CARD19: variants seen among roughly 807,000 people sequenced by gnomAD.
CARD19 encodes caspase recruitment domain family member 19.
Under a neutral mutation model 24.1 loss-of-function variants are expected in CARD19, and 25 were observed. The ratio of observed to expected loss-of-function variants is 1.04; its 90% CI spans 0.76 to 1.45. The LOEUF (loss-of-function observed/expected upper bound fraction) is 1.45. Ranked by LOEUF, CARD19 falls within the 40% of genes most tolerant of loss-of-function variation. The pLI, the probability that CARD19 is intolerant of heterozygous loss-of-function variation, is 0.00. For missense variants in CARD19, 241 were observed against 247.4 expected, an observed-to-expected ratio of 0.97 and a Z score of 0.17; for synonymous variants, 103 against 104.9, an observed-to-expected ratio of 0.98 and a Z score of 0.11.
rs368863789 is a variant in CARD19 at position 93,107,819 on chromosome 9, G to A, written c.150+3G>A. 1.2e-6 allele frequency: 2 copies of A among 1,614,072 alleles called. No individual in the cohort carries two copies. The highest frequency in any genetic ancestry group is 1.3e-5 in the African/African-American group (1 of 74,942). On this transcript the variant is annotated splice_donor_region_variant and intron_variant, in intron 2 of 5. Transcript: ENST00000375464. ...TTACCAACAAGGAGGCGGAAAAGGT[G>A]CTGAGGAGGTGAGGGGGGTACCCGA...
intron 1 of CARD19, 102 bp from the exon 2 acceptor site, chr9:93,107,572 A>G: frequency 1.4e-6 from 2 of 1,404,914 alleles, no homozygotes; most frequent in Non-Finnish European, 2.0e-6. Flanking sequence ...GTGGGAACCC[A>G]CCTTGGGGGT....
chr9:93,100,061 G>A (rs144748244), intron 1 of CARD19, among the ~76,000 whole-genome samples: 54 of 152,340 alleles, frequency 3.5e-4, no homozygotes, highest in Non-Finnish European at 5.0e-4. Flanking sequence ...CCCCAGCCCC[G>A]CACAGGGCGA....
intron 3 of CARD19, chr9:93,111,552 G>A (rs1827485692): frequency 1.6e-6 from 2 of 1,232,084 alleles, no homozygotes; most frequent in Admixed American, 3.8e-5. Flanking sequence ...GGGAGGCCCA[G>A]CCCTGCAGGT....
At chr9:93,107,316 G>C (rs1208593079) in intron 1 of CARD19, among the ~76,000 whole-genome samples, 1 of 152,224 alleles carries the variant, frequency 6.6e-6, no homozygotes, top group South Asian at 2.1e-4. Flanking sequence ...TGAGCCACCT[G>C]TGCCACCTGT....
chr9:93,103,451 CGTT>C lies in CARD19; in HGVS notation c.8-4217_8-4215del, dbSNP rs1276743997. 5.3e-5 allele frequency among the ~76,000 whole-genome samples: 8 copies of C among 152,210 alleles called. No individual in the cohort carries two copies. In the South Asian group the frequency reaches 1.2e-3, roughly 24 times the overall value. On this transcript the variant is annotated intron_variant, in intron 1 of 5. Coordinates refer to ENST00000375464, the MANE Select transcript of CARD19 (RefSeq NM_032310.5). ...AACACAATGTAAATGCTATGTAAAT[CGTT>C]GTTGTACTGTATTTTTAAAACTTGT...
At chr9:93,110,462 C>T (rs3819011) in intron 2 of CARD19, 106 bp from the exon 3 acceptor site, 1,261,359 of 1,501,114 alleles carry the variant, frequency 0.84, 538,164 homozygotes, top group Non-Finnish European at 0.88. Flanking sequence ...GGTGTCCTGA[C>T]ACCCAACAGG....
chr9:93,112,414 G>A (rs772448069), intron 5 of CARD19, 125 bp downstream of exon 5: 1 of 757,264 alleles, frequency 1.3e-6, no homozygotes, highest in Non-Finnish European at 2.2e-6. Context: ...CACTTGTGCA[G>A]TGGGATGGTG....
intron 1 of CARD19, among the ~76,000 whole-genome samples, chr9:93,103,050 A>G (rs1827139840): frequency 6.6e-6 from 1 of 152,198 alleles, no homozygotes; most frequent in Admixed American, 6.5e-5. Context: ...CTATATATAA[A>G]ATCATGTCAT....
intron 3 of CARD19, chr9:93,111,357 C>G: frequency 9.0e-7 from 1 of 1,112,386 alleles, no homozygotes; most frequent in South Asian, 2.1e-5. Context: ...CAACTCTGAT[C>G]TGACGCCTCT....
At position 93,112,990 on chromosome 9, in the gene CARD19, A is replaced by G. The variant is rs1412164856; in HGVS notation, c.437-2A>G. On this transcript the variant is annotated splice_acceptor_variant, in intron 5 of 5. Coordinates refer to ENST00000375464, the MANE Select transcript of CARD19 (RefSeq NM_032310.5). LOFTEE classifies it high-confidence loss of function. ...GCTTTTGCCTCCCCTTTTGTCTTCT[A>G]GACCCCAAGGGCCTGCCAGGGACCC... The G allele has an allele frequency of 6.2e-7, 1 of 1,603,172 alleles. No homozygotes were observed.
rs1003572799 is a variant in CARD19, at chr9:93,096,728, G to A, written c.7+376G>A. 1.3e-5 allele frequency among the ~76,000 whole-genome samples: 2 copies of A among 152,198 alleles called. No homozygotes were observed. Among genetic ancestry groups the A allele is most frequent in the Admixed American group, 6.5e-5 (1 of 15,286 alleles). On this transcript the variant is annotated intron_variant, in intron 1 of 5. Transcript: ENST00000375464. The surrounding 1 kb of genome is among the most constrained non-coding windows in gnomAD (Gnocchi z 5.4). ...GGAATTTGGTCTGAAAGAGTAGGAG[G>A]TGGTAGAAATGACACCGGAGAGAAT... is the stretch of plus-strand genomic sequence containing the variant.
rs559561902 is a variant in CARD19, at chr9:93,109,457, G to T, written c.151-1111G>T. ...TTTCTCTGTCATACACATCAAAAGAGCCAATACTTCTGTCTTTTTTTTTTT... is the reference window on the plus strand; with the variant it reads ...TTTCTCTGTCATACACATCAAAAGATCCAATACTTCTGTCTTTTTTTTTTT... On this transcript the variant is annotated intron_variant, in intron 2 of 5. Coordinates refer to ENST00000375464, the MANE Select transcript of CARD19 (RefSeq NM_032310.5). Among the ~76,000 whole-genome samples, 3 of 141,734 alleles carry T rather than the reference G, an allele frequency of 2.1e-5. No individual in the cohort carries two copies. In the East Asian group the frequency reaches 6.2e-4, roughly 29 times the overall value. The allele number at this position is 141,734 out of a possible 152,430, so 93.0% of individuals were successfully genotyped here. A position where few individuals can be genotyped will look rare whatever the true frequency, so the allele number is the denominator to read the frequency against.
At chr9:93,097,098 C>A (rs1256164159) in intron 1 of CARD19, among the ~76,000 whole-genome samples, 1 of 152,206 alleles carries the variant, frequency 6.6e-6, no homozygotes, top group Non-Finnish European at 1.5e-5. Flanking sequence ...GTTGGAGAAG[C>A]CCCATGAGGG....
intron 1 of CARD19, among the ~76,000 whole-genome samples, chr9:93,104,106 A>G (rs1587641149): frequency 1.3e-5 from 2 of 152,202 alleles, no homozygotes; most frequent in African/African-American, 4.8e-5. Context: ...TTAATGTGGT[A>G]TATTTCATTG....
Position 93,111,864 on chromosome 9 carries a change from T to C in CARD19, c.305-15T>C. ...CTGCCCGTTGACTAACTATGCTCTG[T>C]GGTTTTGTTTCCAGAGAACTCAGAT... On this transcript the variant is annotated splice_polypyrimidine_tract_variant and intron_variant, in intron 3 of 5. Transcript: ENST00000375464. The C allele has an allele frequency of 6.2e-7, 1 of 1,611,276 alleles. No individual in the cohort carries two copies. Among genetic ancestry groups the C allele is most frequent in the South Asian group, 1.1e-5 (1 of 90,854 alleles).
rs763335536 is a variant in CARD19 at position 93,111,920 on chromosome 9, G to A, written c.346G>A (p.Gly116Ser). Residue 116 changes from glycine (G) to serine (S), a missense_variant, in exon 4 of 6, where the codon GGC (glycine) becomes AGC (serine). Transcript: ENST00000375464. ...CTELDSGSQS[G>S]ELSNRGPMSF... ...AGAGCTAGACTCGGGCAGCCAGAGC[G>A]GCGAGCTGAGTAACAGGGGTAACAC... 1.9e-5 allele frequency: 30 copies of A among 1,611,458 alleles called. No homozygotes were observed. The highest frequency in any genetic ancestry group is 1.2e-4 in the South Asian group (11 of 90,892).
At chr9:93,110,879 C>T in intron 3 of CARD19, 158 bp downstream of exon 3, 6 of 1,533,470 alleles carry the variant, frequency 3.9e-6, no homozygotes, top group Non-Finnish European at 5.2e-6. Flanking sequence ...AGAGGCCACC[C>T]TCTGGCCCCG....
In CARD19 at chr9:93,096,282, CCGAGGGGCGGACGCGCGGCGGGG is replaced by C. The variant is rs1217703268; in HGVS notation, c.-62_-40del. 1.8e-6 allele frequency: 2 copies of C among 1,129,298 alleles called. No individual in the cohort carries two copies. The highest frequency in any genetic ancestry group is 2.2e-6 in the Non-Finnish European group (2 of 897,238). 70.0% of individuals were successfully genotyped at this position (1,129,298 alleles called of 1,614,324 possible). A position where few individuals can be genotyped will look rare whatever the true frequency, so the allele number is the denominator to read the frequency against. ...TGGAGCTGGTGGACCGGGCGGCTGA[CCGAGGGGCGGACGCGCGGCGGGG>C]CAGACCGCTGGGGACTGCGGGCGGC... On this transcript the variant is annotated 5_prime_UTR_variant, in exon 1 of 6. Transcript: ENST00000375464. This position sits in a 1 kb window ranked among gnomAD's most constrained non-coding sequence, Gnocchi z 5.4.
chr9:93,109,397 CCAGTGGCCTG>C (rs1394308436), intron 2 of CARD19, among the ~76,000 whole-genome samples: 1 of 147,874 alleles, frequency 6.8e-6, no homozygotes, highest in East Asian at 1.9e-4. Flanking sequence ...AGGTCAAGGC[CCAGTGGCCTG>C]TCCACTGACC....
Sources: gnomAD v4.1 joint callset for allele counts (sites outside exome capture counted in the v4.1 genomes callset) on GRCh38, gnomAD v4.1.1 for gene constraint, Gnocchi (gnomAD v3.1) non-coding constraint, MANE v1.5 for transcripts, NCBI Gene and HGNC (gene_info 2026-07-23, HGNC 2026-07-21) for gene names.